GALNT13: variants seen among roughly 807,000 people sequenced by gnomAD.
GALNT13 encodes polypeptide N-acetylgalactosaminyltransferase 13.
A neutral mutation model predicts 64.2 loss-of-function variants in GALNT13; 28 were observed. The ratio of observed to expected loss-of-function variants is 0.44; its 90% CI spans 0.32 to 0.60. The LOEUF (loss-of-function observed/expected upper bound fraction) is 0.60. Among genes scored for constraint, GALNT13 ranks in the 20% least tolerant of loss-of-function variants. The probability of loss-of-function intolerance (pLI) is 0.05; values close to 1 mark genes in which losing one functional copy is unlikely to be tolerated. For missense variants in GALNT13, 577 were observed against 669.8 expected (o/e 0.86, Z 1.53); for synonymous variants, 214 against 224.6 (o/e 0.95, Z 0.42).
chr2:153,665,802 C>A, the GALNT13 span, among the ~76,000 whole-genome samples: 1 of 151,972 alleles, frequency 6.6e-6, no homozygotes. Context: ...CGCAGGAGAT[C>A]CCACAACCTC....
At chr2:153,794,276 T>C in the GALNT13 span, among the ~76,000 whole-genome samples, 6 of 152,166 alleles carry the variant, frequency 3.9e-5, no homozygotes, top group Non-Finnish European at 7.3e-5. Context: ...TAAGGTAATA[T>C]TTTAGTGTTC....
At chr2:154,312,826 A>G (rs1333615575) in intron 9 of GALNT13, among the ~76,000 whole-genome samples, 1 of 152,162 alleles carries the variant, frequency 6.6e-6, no homozygotes, top group Non-Finnish European at 1.5e-5. Flanking sequence ...TACCAGAATC[A>G]GATATCTTTC....
intron 1 of GALNT13, among the ~76,000 whole-genome samples, chr2:153,890,695 G>A (rs1310924614): frequency 6.6e-6 from 1 of 152,046 alleles, no homozygotes; most frequent in Non-Finnish European, 1.5e-5. Context: ...AAAAGGAAAG[G>A]AAAGGAGCTT....
At chr2:154,400,871 G>T (rs1220811655) in intron 10 of GALNT13, among the ~76,000 whole-genome samples, 1 of 151,952 alleles carries the variant, frequency 6.6e-6, no homozygotes, top group Non-Finnish European at 1.5e-5. Flanking sequence ...AAGATTGAAA[G>T]AAATGGCATT....
At chr2:154,293,323 T>C (rs940151296) in intron 8 of GALNT13, among the ~76,000 whole-genome samples, 1 of 152,184 alleles carries the variant, frequency 6.6e-6, no homozygotes, top group Non-Finnish European at 1.5e-5. Flanking sequence ...ACTATTATTT[T>C]AGACTCCACA....
At chr2:153,398,537 C>T in the GALNT13 span, among the ~76,000 whole-genome samples, 5 of 151,828 alleles carry the variant, frequency 3.3e-5, no homozygotes, top group African/African-American at 1.2e-4. Flanking sequence ...ACAGTTCCAC[C>T]AACAGTGTAA....
At chr2:154,406,498 C>T (rs1276330899) in intron 10 of GALNT13, among the ~76,000 whole-genome samples, 5 of 152,134 alleles carry the variant, frequency 3.3e-5, no homozygotes, top group Non-Finnish European at 7.4e-5. Flanking sequence ...CATTATTTCA[C>T]TCAGTACTGT....
At chr2:153,914,402 A>G (rs1689186952) in intron 2 of GALNT13, among the ~76,000 whole-genome samples, 1 of 150,340 alleles carries the variant, frequency 6.7e-6, no homozygotes, top group Non-Finnish European at 1.5e-5. Context: ...GGAGAATCAT[A>G]TGAGCCCAGG....
chr2:153,115,649 T>G, the GALNT13 span, among the ~76,000 whole-genome samples: 1 of 152,192 alleles, frequency 6.6e-6, no homozygotes, highest in African/African-American at 2.4e-5. Context: ...CTATCTGTTT[T>G]CTGCTGTGTT....
At chr2:154,315,281 C>A (rs75895441) in intron 9 of GALNT13, among the ~76,000 whole-genome samples, 12,257 of 152,114 alleles carry the variant, frequency 0.081, 820 homozygotes, top group East Asian at 0.36. Flanking sequence ...AAATTCTATA[C>A]TTATTAGATA....
the GALNT13 span, among the ~76,000 whole-genome samples, chr2:153,154,681 A>T: frequency 1.3e-5 from 2 of 152,112 alleles, no homozygotes; most frequent in Admixed American, 6.6e-5. Flanking sequence ...GCTATCTGCA[A>T]ACAGTTTGGC....
the GALNT13 span, among the ~76,000 whole-genome samples, chr2:153,216,192 T>C: frequency 6.6e-6 from 1 of 152,098 alleles, no homozygotes; most frequent in Non-Finnish European, 1.5e-5. Flanking sequence ...TATTGTATTG[T>C]AGCAACATTC....
At chr2:153,422,223 C>T in the GALNT13 span, among the ~76,000 whole-genome samples, 9 of 152,054 alleles carry the variant, frequency 5.9e-5, no homozygotes, top group South Asian at 4.2e-4. Flanking sequence ...GCCTTAATTG[C>T]GTATATTAGG....
At chr2:154,066,214 C>T (rs2105377756) in intron 3 of GALNT13, among the ~76,000 whole-genome samples, 1 of 152,030 alleles carries the variant, frequency 6.6e-6, no homozygotes, top group East Asian at 1.9e-4. Context: ...AAGATTGAAG[C>T]ACACCTACAG....
intron 3 of GALNT13, among the ~76,000 whole-genome samples, chr2:154,020,231 G>A (rs561095416): frequency 3.9e-5 from 6 of 152,214 alleles, no homozygotes; most frequent in African/African-American, 1.4e-4. Flanking sequence ...GGGATGGCTG[G>A]GTCAAATGGT....
At chr2:153,518,775 A>T in the GALNT13 span, among the ~76,000 whole-genome samples, 1 of 152,140 alleles carries the variant, frequency 6.6e-6, no homozygotes, top group Non-Finnish European at 1.5e-5. Flanking sequence ...GGGTTCCTAG[A>T]ACAATAATTA....
chr2:154,337,685 G>A (rs1476934371), intron 9 of GALNT13, among the ~76,000 whole-genome samples: 1 of 151,866 alleles, frequency 6.6e-6, no homozygotes, highest in Admixed American at 6.6e-5. Flanking sequence ...TTTTCCATAG[G>A]CCATATACAG....
At chr2:154,148,702 C>T (rs1286598543) in intron 4 of GALNT13, among the ~76,000 whole-genome samples, 3 of 152,118 alleles carry the variant, frequency 2.0e-5, no homozygotes, top group Admixed American at 2.0e-4. Flanking sequence ...TTTCATGTGT[C>T]TTTTGGCTGC....
At chr2:153,341,333 G>A in the GALNT13 span, among the ~76,000 whole-genome samples, 10 of 152,126 alleles carry the variant, frequency 6.6e-5, no homozygotes, top group Admixed American at 2.0e-4. Context: ...TGCCTAATAT[G>A]CCTTACTCAC....
Sources: gnomAD v4.1 joint callset for allele counts (sites outside exome capture counted in the v4.1 genomes callset) on GRCh38, gnomAD v4.1.1 for gene constraint, MANE v1.5 for transcripts, NCBI Gene and HGNC (gene_info 2026-07-23, HGNC 2026-07-21) for gene names.